The following PLCB1 variants were observed in gnomAD, a reference collection of about 807,000 sequenced individuals.
PLCB1 encodes the protein phospholipase C beta 1.
In PLCB1, 46 loss-of-function variants were observed where a neutral mutation model predicts 161.8. The observed-to-expected ratio is 0.28, with a 90% CI of 0.22 to 0.36. PLCB1 has a LOEUF of 0.36. Among genes scored for constraint, PLCB1 ranks in the 10% least tolerant of loss-of-function variants. The pLI is 1.00. For missense variants in PLCB1, 1,016 were observed against 1,472.5 expected (o/e 0.69, Z 5.07); for synonymous variants, 517 against 503.7 (o/e 1.03, Z -0.35).
intron 3 of PLCB1, among the ~76,000 whole-genome samples, chr20:8,439,024 A>G (rs530213922): frequency 2.6e-5 from 4 of 152,304 alleles, no homozygotes; most frequent in East Asian, 1.9e-4. Context: ...GTCATCTTAG[A>G]AGACCACTCT....
chr20:8,412,912 A>G (rs1979104391), intron 3 of PLCB1, among the ~76,000 whole-genome samples: 1 of 150,830 alleles, frequency 6.6e-6, no homozygotes, highest in South Asian at 2.1e-4. Flanking sequence ...TTCTTTTTAT[A>G]TGTTTCAGTA....
At chr20:8,226,377 C>T (rs1311686924) in intron 2 of PLCB1, among the ~76,000 whole-genome samples, 3 of 152,082 alleles carry the variant, frequency 2.0e-5, no homozygotes. Flanking sequence ...TTGACTGTGC[C>T]CAGGTCATAC....
intron 2 of PLCB1, among the ~76,000 whole-genome samples, chr20:8,319,334 C>T (rs1197861006): frequency 6.6e-6 from 1 of 152,082 alleles, no homozygotes; most frequent in African/African-American, 2.4e-5. Flanking sequence ...GGCTGGCTCA[C>T]TCATATGTCT....
intron 3 of PLCB1, among the ~76,000 whole-genome samples, chr20:8,454,699 G>A (rs1168115261): frequency 1.3e-5 from 2 of 152,106 alleles, no homozygotes; most frequent in Non-Finnish European, 1.5e-5. Context: ...ACTCTCTCCC[G>A]TCTTGCATGT....
chr20:8,215,097 T>C (rs1314117470), intron 2 of PLCB1, among the ~76,000 whole-genome samples: 1 of 152,118 alleles, frequency 6.6e-6, no homozygotes, highest in Non-Finnish European at 1.5e-5. Flanking sequence ...GCAGAAGCTG[T>C]GTGTTTACCA....
At chr20:8,232,718 A>C (rs1038944470) in intron 2 of PLCB1, among the ~76,000 whole-genome samples, 14 of 152,160 alleles carry the variant, frequency 9.2e-5, no homozygotes, top group African/African-American at 3.1e-4. Flanking sequence ...GTTACCTGAT[A>C]TGTCTTTACA....
intron 25 of PLCB1, among the ~76,000 whole-genome samples, chr20:8,763,268 C>G (rs1982139340): frequency 6.6e-6 from 1 of 152,218 alleles, no homozygotes; most frequent in African/African-American, 2.4e-5. Flanking sequence ...ATGATGTGAT[C>G]GCGGCTCATT....
chr20:8,396,306 G>A (rs1987766677), intron 3 of PLCB1, among the ~76,000 whole-genome samples: 4 of 152,104 alleles, frequency 2.6e-5, no homozygotes, highest in South Asian at 4.1e-4. Flanking sequence ...AATCTGTGGT[G>A]GATCCAAGGG....
At chr20:8,412,658 C>G (rs1022137923) in intron 3 of PLCB1, among the ~76,000 whole-genome samples, 3 of 152,108 alleles carry the variant, frequency 2.0e-5, no homozygotes, top group Non-Finnish European at 2.9e-5. Flanking sequence ...CTACTGCTTG[C>G]TTTACATGGT....
At chr20:8,404,069 T>G (rs954863179) in intron 3 of PLCB1, among the ~76,000 whole-genome samples, 7 of 152,232 alleles carry the variant, frequency 4.6e-5, no homozygotes, top group Non-Finnish European at 8.8e-5. Context: ...TTTTATCTAT[T>G]TTTATTAAGT....
At position 8,575,497 on chromosome 20, in the gene PLCB1, G is replaced by T. The variant is rs559696084; in HGVS notation, c.247-52797G>T. Among the ~76,000 whole-genome samples the T allele has an allele frequency of 2.0e-5, 3 of 152,326 alleles. No homozygotes were observed. In the South Asian group the frequency reaches 6.2e-4, roughly 32 times the overall value. On this transcript the variant is annotated intron_variant, in intron 3 of 31. Coordinates refer to ENST00000338037, the MANE Select transcript of PLCB1 (RefSeq NM_015192.4). The stretch of plus-strand genomic sequence containing the variant: ...TGGCAAAGGAGCATCATGCGAAGTG[G>T]ACAGAACGTTCCTTTTGTCCTTTGA...
At chr20:8,279,518 G>C (rs1982771629) in intron 2 of PLCB1, among the ~76,000 whole-genome samples, 1 of 152,160 alleles carries the variant, frequency 6.6e-6, no homozygotes. Context: ...AAAATGTTTT[G>C]GAAATAGTGG....
chr20:8,802,913 AGT>A (rs1455552219), intron 31 of PLCB1, among the ~76,000 whole-genome samples: 1 of 152,202 alleles, frequency 6.6e-6, no homozygotes, highest in Non-Finnish European at 1.5e-5. Flanking sequence ...CATTCCAAAG[AGT>A]GTGCAATTCT....
intron 24 of PLCB1, among the ~76,000 whole-genome samples, chr20:8,758,450 T>C (rs1981851864): frequency 1.3e-5 from 2 of 151,818 alleles, no homozygotes; most frequent in South Asian, 4.2e-4. Flanking sequence ...GGCATGGTAG[T>C]GCATGCCTGT....
intron 2 of PLCB1, among the ~76,000 whole-genome samples, chr20:8,337,592 A>C (rs1985630801): frequency 6.6e-6 from 1 of 152,214 alleles, no homozygotes; most frequent in Non-Finnish European, 1.5e-5. Context: ...ATTTCATGAA[A>C]TAGGCCTTAA....
intron 2 of PLCB1, among the ~76,000 whole-genome samples, chr20:8,368,244 C>T (rs778020451): frequency 5.3e-5 from 8 of 151,928 alleles, no homozygotes; most frequent in Non-Finnish European, 1.0e-4. Flanking sequence ...GAAAATATTA[C>T]GGGCCGGGCA....
intron 2 of PLCB1, among the ~76,000 whole-genome samples, chr20:8,260,336 G>C (rs67990733): frequency 0.078 from 11,826 of 151,030 alleles, 541 homozygotes; most frequent in East Asian, 0.17. Flanking sequence ...CTCCCCTCCT[G>C]AGCCTCCCGA....
At chr20:8,712,145 A>G (rs1979052612) in intron 12 of PLCB1, among the ~76,000 whole-genome samples, 2 of 152,120 alleles carry the variant, frequency 1.3e-5, no homozygotes, top group African/African-American at 4.8e-5. Context: ...TACTACAAAT[A>G]CAAAACAGGT....
chr20:8,523,075 G>T (rs1443227070), intron 3 of PLCB1, among the ~76,000 whole-genome samples: 2 of 152,072 alleles, frequency 1.3e-5, no homozygotes, highest in African/African-American at 2.4e-5. Context: ...TGCTGTAGAT[G>T]CTCATCATCC....
Sources: gnomAD v4.1 joint callset for allele counts (sites outside exome capture counted in the v4.1 genomes callset) on GRCh38, gnomAD v4.1.1 for gene constraint, MANE v1.5 for transcripts, NCBI Gene and HGNC (gene_info 2026-07-23, HGNC 2026-07-21) for gene names.